The following ZFAND2B variants were observed in gnomAD, a reference collection of about 807,000 sequenced individuals.
ZFAND2B encodes zinc finger AN1-type containing 2B, also known as AN1-type zinc finger protein 2B.
Under a neutral mutation model 38.2 loss-of-function variants are expected in ZFAND2B, and 27 were observed. The observed-to-expected ratio is 0.71, with a 90% confidence interval of 0.52 to 0.97. The LOEUF is 0.97. Ranked by LOEUF, ZFAND2B falls within the 50% of genes least tolerant of loss-of-function variation. The pLI, the probability that ZFAND2B is intolerant of heterozygous loss-of-function variation, is 0.00. For synonymous variants in ZFAND2B, 111 were observed against 119.4 expected (o/e 0.93, Z 0.46); for missense variants, 303 against 331.5 (o/e 0.91, Z 0.67).
At chr2:219,208,773 T>C (rs780171329) in intron 7 of ZFAND2B, 134 bp downstream of exon 7, 205 of 1,157,100 alleles carry the variant, frequency 1.8e-4, no homozygotes, top group Non-Finnish European at 3.0e-5. Flanking sequence ...ATGAACTATA[T>C]GATCTTTGAC....
rs201623091 is a variant in ZFAND2B, at chr2:219,209,252, T to C, written c.730-10T>C. On this transcript the variant is annotated splice_polypyrimidine_tract_variant and intron_variant, in intron 8 of 8. Coordinates refer to ENST00000289528, the MANE Select transcript of ZFAND2B (RefSeq NM_138802.3). ...TGTGTCTTCCCCTCCTTCCCCTCTC[T>C]TTGCTCTAGGCCCAGAGCCGCAGCT... 2.9e-4 allele frequency: 465 copies of C among 1,604,928 alleles called. 2 individuals carry two copies. Among genetic ancestry groups the C allele is most frequent in the Middle Eastern group, 6.3e-4 (3 of 4,788 alleles).
At chr2:219,207,544 T>C (rs1950505674) in intron 2 of ZFAND2B, 104 bp from the exon 3 acceptor site, 4 of 1,589,910 alleles carry the variant, frequency 2.5e-6, no homozygotes, top group Non-Finnish European at 1.7e-6. Context: ...TGGGAAACAC[T>C]GTTTTTTTGC....
rs973850580 is a variant in ZFAND2B, at chr2:219,208,736, C to T, written c.656+97C>T. ...CCACTCTGACACAATGCAAGATAAT[C>T]GCTGGCAACTTGGTCTCAAAATTAA... On this transcript the variant is annotated intron_variant, in intron 7 of 8. Transcript: ENST00000289528. 86 of 1,396,310 alleles carry T rather than the reference C, an allele frequency of 6.2e-5. No individual in the cohort carries two copies. The African/African-American group carries it at 9.2e-4, about 15-fold the overall frequency. The allele number at this position is 1,396,310 out of a possible 1,614,324, so 86.5% of individuals were successfully genotyped here.
At chr2:219,208,783 C>T in intron 7 of ZFAND2B, 144 bp downstream of exon 7, 1 of 1,109,588 alleles carries the variant, frequency 9.0e-7, no homozygotes, top group Non-Finnish European at 1.3e-6. Context: ...TGATCTTTGA[C>T]AAGTTATTTA....
intron 7 of ZFAND2B, 126 bp downstream of exon 7, chr2:219,208,765 G>A (rs1950530952): frequency 1.7e-6 from 2 of 1,190,394 alleles, no homozygotes; most frequent in Admixed American, 2.1e-5. Flanking sequence ...AAATTAAGAT[G>A]AACTATATGA....
At chr2:219,207,845 A>G (rs1211642872) in intron 3 of ZFAND2B, 42 bp from the exon 4 acceptor site, 1 of 1,613,774 alleles carries the variant, frequency 6.2e-7, no homozygotes, top group Non-Finnish European at 8.5e-7. Context: ...CCAAACAGCT[A>G]ATCAGAGTCT....
rs776746101 is a variant in ZFAND2B, at chr2:219,206,978, C to A, written c.-10C>A. The A allele has an allele frequency of 5.6e-6, 9 of 1,612,240 alleles. No homozygotes were observed. In the Admixed American group the frequency reaches 1.5e-4, roughly 27 times the overall value. On this transcript the variant is annotated 5_prime_UTR_variant, in exon 1 of 9. Coordinates refer to ENST00000289528, the MANE Select transcript of ZFAND2B (RefSeq NM_138802.3). The stretch of plus-strand genomic sequence containing the variant: ...GTCGCTTCTCCTAGCAGACCCTGCC[C>A]GGCTTGGCGATGGAGTTTCCGGACC...
rs1185666261 is a variant in ZFAND2B, at chr2:219,207,009, GCT to G, written c.24_25del (p.His9LeufsTer15). ...GGCGATGGAGTTTCCGGACCTCGGC[GCT>G]CACTGTTCGGAGCCGAGCTGTCAGC... is the stretch of plus-strand genomic sequence containing the variant. MEFPDLG[A>X]HCSEPSCQRL... On this transcript the variant is annotated frameshift_variant, in exon 1 of 9. Transcript: ENST00000289528. LOFTEE classifies it high-confidence loss of function. 25 of 1,611,666 alleles carry G rather than the reference GCT, an allele frequency of 1.6e-5. No homozygotes were observed. Among genetic ancestry groups the G allele is most frequent in the Non-Finnish European group, 2.1e-5 (25 of 1,179,142 alleles).
Position 219,208,283 on chromosome 2 carries a change from T to A in ZFAND2B, c.462T>A (p.Ala154=). Residue 154 remains alanine (A), a synonymous_variant, in exon 5 of 9, where the codon GCT becomes GCA. Coordinates refer to ENST00000289528, the MANE Select transcript of ZFAND2B (RefSeq NM_138802.3). The part of the protein sequence containing the change: ...AGLAAISRAQ[A]VASTSTVPSP... ...TTGCTGCCATCTCCAGAGCACAAGCTGTGGCTTCTACAAGCACTGTCCCCA... is the reference window on the plus strand; with the variant it reads ...TTGCTGCCATCTCCAGAGCACAAGCAGTGGCTTCTACAAGCACTGTCCCCA... 6.2e-7 allele frequency: 1 copy of A among 1,614,206 alleles called. No homozygotes were observed. The highest frequency in any genetic ancestry group is 8.5e-7 in the Non-Finnish European group (1 of 1,180,030).
At chr2:219,209,155 G>T in intron 8 of ZFAND2B, 106 bp downstream of exon 8, 1 of 1,575,300 alleles carries the variant, frequency 6.3e-7, no homozygotes, top group Non-Finnish European at 8.7e-7. Context: ...GTTATCGTCT[G>T]GTTTTCAGTA....
chr2:219,207,602 T>C (rs767974477), intron 2 of ZFAND2B, 46 bp from the exon 3 acceptor site: 1 of 1,605,878 alleles, frequency 6.2e-7, no homozygotes, highest in South Asian at 1.1e-5. Flanking sequence ...CAGAGATTTG[T>C]TGGACTGGAG....
rs1008705092 is a variant in ZFAND2B at position 219,207,495 on chromosome 2, C to A, written c.150+74C>A. The A allele has an allele frequency of 3.1e-5, 49 of 1,583,290 alleles. 1 individual carries two copies. In the South Asian group the frequency reaches 5.4e-4, roughly 18 times the overall value. On this transcript the variant is annotated intron_variant, in intron 2 of 8. Coordinates refer to ENST00000289528, the MANE Select transcript of ZFAND2B (RefSeq NM_138802.3). ...CAGAATCCCCCAAATCTGTGTCTCA[C>A]GTTTCTTCTCCCTTTTGTCCTTCTG...
intron 4 of ZFAND2B, 51 bp downstream of exon 4, chr2:219,208,089 C>A: frequency 1.2e-6 from 2 of 1,612,770 alleles, no homozygotes; most frequent in Non-Finnish European, 1.7e-6. Context: ...TCTTTTGGAA[C>A]TGACTCAAGC....
rs1268366360 is a variant in ZFAND2B, at chr2:219,208,448, T to C, written c.550T>C (p.Trp184Arg). 6.8e-6 allele frequency: 11 copies of C among 1,614,136 alleles called. No individual in the cohort carries two copies. In the Admixed American group the frequency reaches 1.7e-4, roughly 24 times the overall value. The part of the protein sequence containing the change: ...PSRATTRSPS[W>R]TAPPVIALQN... The stretch of plus-strand genomic sequence containing the variant: ...TAGAGCCACAACCCGATCTCCGTCC[T>C]GGACAGCCCCTCCAGTGATTGCTTT... The change falls in exon 6 of 9, where the codon TGG (tryptophan) becomes CGG (arginine). Residue 184 changes from tryptophan to arginine, a missense_variant. Coordinates refer to ENST00000289528, the MANE Select transcript of ZFAND2B (RefSeq NM_138802.3).
At position 219,207,955 on chromosome 2, in the gene ZFAND2B, C is replaced by T; in HGVS notation, c.351C>T (p.Arg117=). ...AAATGATGAAACTGACCTGTGAACG[C>T]TGTAGCCGAAACTTCTGCATCAAGC... ...QREMMKLTCE[R]CSRNFCIKHR... is the part of the protein sequence containing the mutation. Residue 117 remains arginine (R), a synonymous_variant, in exon 4 of 9, where the codon CGC becomes CGT. Transcript: ENST00000289528. The T allele has an allele frequency of 6.2e-7, 1 of 1,614,178 alleles. No individual in the cohort carries two copies. Among genetic ancestry groups the T allele is most frequent in the East Asian group, 2.2e-5 (1 of 44,884 alleles).
At position 219,206,818 on chromosome 2, in the gene ZFAND2B, C is replaced by CCGGGGGCCGGCTGGCG. The variant is rs1006710849; in HGVS notation, c.-162_-147dup. The CCGGGGGCCGGCTGGCG allele has an allele frequency of 2.0e-5, 13 of 647,680 alleles. No individual in the cohort carries two copies. In the Admixed American group the frequency reaches 2.6e-4, roughly 13 times the overall value. The allele number at this position is 647,680 out of a possible 1,614,324, so 40.1% of individuals were successfully genotyped here. On this transcript the variant is annotated 5_prime_UTR_variant, in exon 1 of 9. Transcript: ENST00000289528. ...GCGCGCGCCGAGGGAGGAGCGGGCGCCGGGGGCCGGCTGGCGCGGGGGCTC... is the reference window on the plus strand; with the variant it reads ...GCGCGCGCCGAGGGAGGAGCGGGCGCCGGGGGCCGGCTGGCGCGGGGGCCGGCTGGCGCGGGGGCTC...
At position 219,208,354 on chromosome 2, in the gene ZFAND2B, C is replaced by T. The variant is rs1179748867; in HGVS notation, c.527+6C>T. On this transcript the variant is annotated splice_donor_region_variant and intron_variant, in intron 5 of 8. Coordinates refer to ENST00000289528, the MANE Select transcript of ZFAND2B (RefSeq NM_138802.3). ...TCCTGTACCTCTCCCAGCAGGTAGGCCTGCCCGTTTCCCTGCTCCCCCTTT... is the reference window on the plus strand; with the variant it reads ...TCCTGTACCTCTCCCAGCAGGTAGGTCTGCCCGTTTCCCTGCTCCCCCTTT... The T allele has an allele frequency of 4.3e-6, 7 of 1,614,078 alleles. No homozygotes were observed. The highest frequency in any genetic ancestry group is 1.1e-5 in the South Asian group (1 of 91,090).
At chr2:219,208,507 A>C in intron 6 of ZFAND2B, 21 bp downstream of exon 6, 1 of 1,614,254 alleles carries the variant, frequency 6.2e-7, no homozygotes, top group Non-Finnish European at 8.5e-7. Context: ...CAGAGGTTGG[A>C]TGGACAGAAA....
chr2:219,207,109 G>C, intron 1 of ZFAND2B, 67 bp downstream of exon 1: 1 of 1,239,892 alleles, frequency 8.1e-7, no homozygotes, highest in Non-Finnish European at 1.1e-6. Flanking sequence ...GGTTGGGAGG[G>C]AAGGGTGGGC....
Sources: allele counts gnomAD v4.1 joint callset, GRCh38; gene constraint gnomAD v4.1.1; transcripts MANE v1.5; gene names NCBI Gene and HGNC (gene_info 2026-07-23, HGNC 2026-07-21).